The following NUP50 variants were observed in gnomAD, a reference collection of about 807,000 sequenced individuals.
NUP50 encodes the protein nucleoporin 50, also known as nuclear pore complex protein Nup50.
In NUP50, 14 loss-of-function variants were observed where a neutral mutation model predicts 36.8. That is an observed-to-expected ratio of 0.38 (90% CI 0.25 to 0.59). The LOEUF (loss-of-function observed/expected upper bound fraction) is 0.59, where lower values mean the gene tolerates loss of function less well. NUP50 is among the 20% of genes least tolerant of loss of function. The pLI is 0.63. For missense variants in NUP50, 455 were observed against 564.6 expected (o/e 0.81, Z 1.97); for synonymous variants, 195 against 210.8 (o/e 0.93, Z 0.65).
chr22:45,171,509 A>G, intron 2 of NUP50, 91 bp from the exon 3 acceptor site: 2 of 1,207,580 alleles, frequency 1.7e-6, no homozygotes, highest in Non-Finnish European at 1.2e-6. Flanking sequence ...GGCCGGACAC[A>G]GTGGCTCAGT....
chr22:45,178,164 C>A, intron 4 of NUP50, 74 bp from the exon 5 acceptor site: 2 of 1,355,474 alleles, frequency 1.5e-6, no homozygotes, highest in South Asian at 1.3e-5. Flanking sequence ...AGTATGAAGG[C>A]AGAGTGGCAA....
Position 45,183,409 on chromosome 22 carries a change from C to T in NUP50, c.1093C>T (p.Leu365=), listed in dbSNP as rs750276372. ...EDAFYSKKCK[L]FYKKDNEFKE... The stretch of plus-strand genomic sequence containing the variant: ...TATTATTTTTCTCCATAGGTGTAAA[C>T]TGTTTTACAAGAAAGACAATGAGTT... Residue 365 remains leucine (L), a synonymous_variant, in exon 7 of 8, where the codon CTG becomes TTG. Coordinates refer to ENST00000347635, the MANE Select transcript of NUP50 (RefSeq NM_007172.4). 6.3e-7 allele frequency: 1 copy of T among 1,580,064 alleles called. No individual in the cohort carries two copies. Among genetic ancestry groups the T allele is most frequent in the Non-Finnish European group, 8.7e-7 (1 of 1,151,038 alleles).
In NUP50 at chr22:45,187,183, TAA is replaced by T. The variant is rs201638442; in HGVS notation, c.*2531_*2532del. ...CCAGTGGCCTTTTTTTTTTTTTTTT[TAA>T]AACCTGTGTATCCATCTCATCCTTT... On this transcript the variant is annotated 3_prime_UTR_variant, in exon 8 of 8. Coordinates refer to ENST00000347635, the MANE Select transcript of NUP50 (RefSeq NM_007172.4). 7.0e-5 allele frequency: 4 copies of T among 57,088 alleles called. No homozygotes were observed. The highest frequency in any genetic ancestry group is 1.7e-4 in the African/African-American group (3 of 17,688). The allele number at this position is 57,088 out of a possible 1,614,324, so 3.5% of individuals were successfully genotyped here. A position where few individuals can be genotyped will look rare whatever the true frequency, so the allele number is the denominator to read the frequency against.
chr22:45,178,183 A>G lies in NUP50; in HGVS notation c.341-55A>G. 2.6e-6 allele frequency: 4 copies of G among 1,510,874 alleles called. No individual in the cohort carries two copies. In the South Asian group the frequency reaches 5.0e-5, roughly 19 times the overall value. The allele number at this position is 1,510,874 out of a possible 1,614,324, so 93.6% of individuals were successfully genotyped here. A position where few individuals can be genotyped will look rare whatever the true frequency, so the allele number is the denominator to read the frequency against. On this transcript the variant is annotated intron_variant, in intron 4 of 7. Coordinates refer to ENST00000347635, the MANE Select transcript of NUP50 (RefSeq NM_007172.4). Reference sequence around the variant, plus strand: ...TGAAGGCAGAGTGGCAAAAAAATCTAGATGATTTAATCAAATTAGGCTAAA... The same window carrying G: ...TGAAGGCAGAGTGGCAAAAAAATCTGGATGATTTAATCAAATTAGGCTAAA...
At chr22:45,170,145 C>A (rs181361655) in intron 2 of NUP50, among the ~76,000 whole-genome samples, 159 of 152,222 alleles carry the variant, frequency 1.0e-3, no homozygotes, top group Non-Finnish European at 1.9e-3. Flanking sequence ...CCTTGTCAAT[C>A]CCCTGGACGA....
Position 45,185,836 on chromosome 22 carries a change from T to C in NUP50, c.*1181T>C, listed in dbSNP as rs7287656. ...TTGAAGACTCTGGGCACATGAATGA[T>C]ACACAGAATTGAATGTTTAAATTTC... On this transcript the variant is annotated 3_prime_UTR_variant, in exon 8 of 8. Transcript: ENST00000347635. 20 of 142,254 alleles carry C rather than the reference T, an allele frequency of 1.4e-4. No individual in the cohort carries two copies. Among genetic ancestry groups the C allele is most frequent in the African/African-American group, 4.6e-4 (17 of 37,064 alleles). 8.8% of individuals were successfully genotyped at this position (142,254 alleles called of 1,614,324 possible).
At chr22:45,175,053 G>A (rs1275407341) in intron 3 of NUP50, among the ~76,000 whole-genome samples, 1 of 151,976 alleles carries the variant, frequency 6.6e-6, no homozygotes, top group Non-Finnish European at 1.5e-5. Flanking sequence ...TTCGGTCTAA[G>A]AAGCAGATCA....
Position 45,183,427 on chromosome 22 carries a change from A to C in NUP50, c.1111A>C (p.Asn371His), listed in dbSNP as rs2074414000. The C allele has an allele frequency of 6.2e-7, 1 of 1,602,328 alleles. No individual in the cohort carries two copies. Among genetic ancestry groups the C allele is most frequent in the Non-Finnish European group, 8.5e-7 (1 of 1,170,974 alleles). Residue 371 changes from asparagine (N) to histidine (H), a missense_variant, in exon 7 of 8, where the codon AAT (asparagine) becomes CAT (histidine). Physicochemically the swap from Asn to His is moderately conservative, Grantham distance 68. Transcript: ENST00000347635. The part of the protein sequence containing the change: ...KKCKLFYKKD[N>H]EFKEKGIGTL... ...GTGTAAACTGTTTTACAAGAAAGAC[A>C]ATGAGTTTAAAGAGAAAGGCATAGG...
intron 1 of NUP50, chr22:45,164,594 C>CGGGCGCACGGGCCGGGCG (rs1217785559): frequency 1.0e-5 from 1 of 97,858 alleles, no homozygotes; most frequent in Non-Finnish European, 2.0e-5. Context: ...GAGCCTGGGT[C>CGGGCGCACGGGCCGGGCG]GGGCGCACGG....
Position 45,185,758 on chromosome 22 carries a change from C to G in NUP50, c.*1103C>G, listed in dbSNP as rs778951227. On this transcript the variant is annotated 3_prime_UTR_variant, in exon 8 of 8. Coordinates refer to ENST00000347635, the MANE Select transcript of NUP50 (RefSeq NM_007172.4). Reference sequence around the variant, plus strand: ...TGGAAGGGAGCCATGGTTATTCACACGAATATCCCTGTCACTTCTCCAGAG... The same window carrying G: ...TGGAAGGGAGCCATGGTTATTCACAGGAATATCCCTGTCACTTCTCCAGAG... 6.6e-6 allele frequency: 1 copy of G among 152,176 alleles called. No individual in the cohort carries two copies. Among genetic ancestry groups the G allele is most frequent in the African/African-American group, 2.4e-5 (1 of 41,436 alleles). 9.4% of individuals were successfully genotyped at this position (152,176 alleles called of 1,614,324 possible). A position where few individuals can be genotyped will look rare whatever the true frequency, so the allele number is the denominator to read the frequency against.
At position 45,178,136 on chromosome 22, in the gene NUP50, G is replaced by A. The variant is rs958827663; in HGVS notation, c.341-102G>A. Reference sequence around the variant, plus strand: ...GCAAGACTGTCTTGGTGTGGGGGGAGATACAGTAAAAGCAGAAAGTATGAA... The same window carrying A: ...GCAAGACTGTCTTGGTGTGGGGGGAAATACAGTAAAAGCAGAAAGTATGAA... On this transcript the variant is annotated intron_variant, in intron 4 of 7. Coordinates refer to ENST00000347635, the MANE Select transcript of NUP50 (RefSeq NM_007172.4). 38 of 1,032,452 alleles carry A rather than the reference G, an allele frequency of 3.7e-5. No individual in the cohort carries two copies. In the African/African-American group the frequency reaches 4.9e-4, roughly 13 times the overall value. 64.0% of individuals were successfully genotyped at this position (1,032,452 alleles called of 1,614,324 possible).
chr22:45,178,976 C>G, intron 5 of NUP50, 76 bp downstream of exon 5: 1 of 1,381,436 alleles, frequency 7.2e-7, no homozygotes, highest in Non-Finnish European at 9.9e-7. Context: ...GACTTTGATT[C>G]CAAATATGAG....
intron 4 of NUP50, 87 bp downstream of exon 4, chr22:45,176,167 G>T: frequency 4.2e-6 from 6 of 1,417,712 alleles, no homozygotes; most frequent in Non-Finnish European, 5.7e-6. Context: ...TAGCTACCCT[G>T]TGTCTTGGAA....
intron 4 of NUP50, among the ~76,000 whole-genome samples, chr22:45,177,027 ACTGTGCCCGGC>A (rs937795258): frequency 1.3e-5 from 2 of 152,150 alleles, no homozygotes; most frequent in African/African-American, 4.8e-5. Flanking sequence ...TCCGCGAGCC[ACTGTGCCCGGC>A]CTCTGTTAAG....
chr22:45,183,156 T>C (rs1222337559), intron 6 of NUP50, among the ~76,000 whole-genome samples: 1 of 151,502 alleles, frequency 6.6e-6, no homozygotes, highest in African/African-American at 2.4e-5. Flanking sequence ...GAAAGTGTTA[T>C]AAAAAGTTTC....
Position 45,176,039 on chromosome 22 carries a change from T to G in NUP50, c.299T>G (p.Phe100Cys), listed in dbSNP as rs763544953. 7 of 1,614,170 alleles carry G rather than the reference T, an allele frequency of 4.3e-6. No individual in the cohort carries two copies. In the East Asian group the frequency reaches 1.6e-4, roughly 36 times the overall value. Residue 100 changes from phenylalanine to cysteine, a missense_variant, in exon 4 of 8, where the codon TTC becomes TGC. Transcript: ENST00000347635. Reference sequence around the variant, plus strand: ...AACAACATAACCAGTGCCCCTCCCTTCGCCAGTGCAAAGGCAGCGGCAGAT... The same window carrying G: ...AACAACATAACCAGTGCCCCTCCCTGCGCCAGTGCAAAGGCAGCGGCAGAT... ...NGNNITSAPP[F>C]ASAKAAADPK...
chr22:45,164,058 G>C lies in NUP50; in HGVS notation c.-249G>C, dbSNP rs545449168. On this transcript the variant is annotated 5_prime_UTR_variant, in exon 1 of 8. Transcript: ENST00000347635. The stretch of plus-strand genomic sequence containing the variant: ...CGGCGCGGTTCCCCCAGCTGTCTCT[G>C]GCTGAACCGGCGCTCTCGCCTCCCT... The C allele has an allele frequency of 2.0e-5, 3 of 152,284 alleles. No individual in the cohort carries two copies. The highest frequency in any genetic ancestry group is 2.0e-4 in the Admixed American group (3 of 15,286). The allele number at this position is 152,284 out of a possible 1,614,324, so 9.4% of individuals were successfully genotyped here. A position where few individuals can be genotyped will look rare whatever the true frequency, so the allele number is the denominator to read the frequency against.
chr22:45,179,033 CAG>C lies in NUP50; in HGVS notation c.1003+136_1003+137del. On this transcript the variant is annotated intron_variant, in intron 5 of 7. Transcript: ENST00000347635. ...TGTTCTCTCCATGTGTGATCTCAGA[CAG>C]AGCTAATCAGCTTCTCTGAGTTTCA... 1.2e-5 allele frequency: 9 copies of C among 771,936 alleles called. No individual in the cohort carries two copies. The South Asian group carries it at 2.0e-4, about 17-fold the overall frequency. The allele number at this position is 771,936 out of a possible 1,614,324, so 47.8% of individuals were successfully genotyped here. A position where few individuals can be genotyped will look rare whatever the true frequency, so the allele number is the denominator to read the frequency against.
At chr22:45,181,210 T>A in intron 5 of NUP50, 76 bp from the exon 6 acceptor site, 1 of 792,588 alleles carries the variant, frequency 1.3e-6, no homozygotes, top group Non-Finnish European at 1.9e-6. Flanking sequence ...GTTTAGGGTG[T>A]TACGTAACAA....
Sources: allele counts gnomAD v4.1 joint callset (sites outside exome capture counted in the v4.1 genomes callset), GRCh38; gene constraint gnomAD v4.1.1; transcripts MANE v1.5; gene names NCBI Gene and HGNC (gene_info 2026-07-23, HGNC 2026-07-21).